ANKMY1: variants seen among roughly 807,000 people sequenced by gnomAD.
The protein encoded by ANKMY1 is ankyrin repeat and MYND domain-containing protein 1.
A neutral mutation model predicts 102.0 loss-of-function variants in ANKMY1; 98 were observed. The observed-to-expected ratio is 0.96, with a 90% CI of 0.82 to 1.14. ANKMY1 has a LOEUF of 1.14. Ranked by LOEUF, ANKMY1 falls within the 50% of genes most tolerant of loss-of-function variation. The pLI is 0.00. For missense variants in ANKMY1, 1,330 were observed against 1,347.6 expected (o/e 0.99, Z 0.20); for synonymous variants, 582 against 559.9 (o/e 1.04, Z -0.56).
chr2:240,496,894 G>A (rs1214647344), intron 15 of ANKMY1, among the ~76,000 whole-genome samples: 2 of 152,158 alleles, frequency 1.3e-5, no homozygotes, highest in African/African-American at 4.8e-5. Context: ...ACTACAGGAG[G>A]GCTCTTCCCA....
At chr2:240,553,306 T>C (rs2091854467) in intron 3 of ANKMY1, 1 of 521,508 alleles carries the variant, frequency 1.9e-6, no homozygotes, top group African/African-American at 1.9e-5. Flanking sequence ...GTGGGGAGGC[T>C]TAAAACTACC....
intron 4 of ANKMY1, among the ~76,000 whole-genome samples, chr2:240,551,265 G>A (rs2091476074): frequency 1.3e-5 from 2 of 151,996 alleles, no homozygotes; most frequent in South Asian, 4.2e-4. Flanking sequence ...GTACTGAGTA[G>A]AGTATACATT....
At chr2:240,488,590 C>G (rs2076310593) in intron 15 of ANKMY1, among the ~76,000 whole-genome samples, 1 of 152,102 alleles carries the variant, frequency 6.6e-6, no homozygotes, top group Non-Finnish European at 1.5e-5. Flanking sequence ...ATTAATTCTT[C>G]CAACCCATGA....
chr2:240,512,819 TGTC>T lies in ANKMY1; in HGVS notation c.2125_2127del (p.Asp709del). On this transcript the variant is annotated inframe_deletion, in exon 10 of 18. Coordinates refer to ENST00000401804, the MANE Select transcript of ANKMY1 (RefSeq NM_001282771.3). ...GTACACACCTTGCCGGGCTTGTAAG[TGTC>T]GTCCTCGTCGGATGCCTTGGCGTCC... The T allele has an allele frequency of 6.2e-7, 1 of 1,613,962 alleles. No individual in the cohort carries two copies. The highest frequency in any genetic ancestry group is 8.5e-7 in the Non-Finnish European group (1 of 1,179,958).
chr2:240,552,625 CATT>C (rs1165440797), intron 4 of ANKMY1: 11 of 400,864 alleles, frequency 2.7e-5, no homozygotes, highest in East Asian at 1.1e-4. Context: ...ACATTTCAAA[CATT>C]ATGTGTACAG....
chr2:240,550,709 T>C (rs2091360976), intron 4 of ANKMY1, among the ~76,000 whole-genome samples: 1 of 152,160 alleles, frequency 6.6e-6, no homozygotes, highest in African/African-American at 2.4e-5. Flanking sequence ...TTTATATACA[T>C]GTTATTAATA....
rs200948050 is a variant in ANKMY1, at chr2:240,553,023, T to C, written c.371A>G (p.His124Arg). 3 of 1,614,046 alleles carry C rather than the reference T, an allele frequency of 1.9e-6. No homozygotes were observed. Among genetic ancestry groups the C allele is most frequent in the African/African-American group, 2.7e-5 (2 of 74,998 alleles). ...TGGCCACATGTAGGTACCCAGGCCA[T>C]GGCAGTGGTCCCGGTAAAACTGCCC... ...YHGQFYRDHC[H>R]GLGTYMWPDG... is the part of the protein sequence containing the mutation. Residue 124 changes from histidine to arginine, a missense_variant, in exon 4 of 18, where the codon CAT becomes CGT. By Grantham distance (29) the His-to-Arg change is conservative. Transcript: ENST00000401804.
intron 15 of ANKMY1, among the ~76,000 whole-genome samples, chr2:240,491,339 G>C (rs12695023): frequency 0.26 from 39,839 of 151,994 alleles, 6,208 homozygotes; most frequent in East Asian, 0.67. Flanking sequence ...ATTTGTTCAT[G>C]TTCAAGGTTA....
At chr2:240,496,832 CA>C (rs1418576317) in intron 15 of ANKMY1, among the ~76,000 whole-genome samples, 1 of 152,170 alleles carries the variant, frequency 6.6e-6, no homozygotes, top group Admixed American at 6.5e-5. Context: ...AGAATTCGAT[CA>C]GAGCTCATTG....
At chr2:240,544,718 T>A (rs2089909431) in intron 4 of ANKMY1, among the ~76,000 whole-genome samples, 1 of 152,142 alleles carries the variant, frequency 6.6e-6, no homozygotes, top group South Asian at 2.1e-4. Context: ...GTCAGGGAGT[T>A]CCCTTTCCTA....
At chr2:240,471,873 G>A in the ANKMY1 span, among the ~76,000 whole-genome samples, 2 of 152,108 alleles carry the variant, frequency 1.3e-5, no homozygotes, top group Non-Finnish European at 2.9e-5. Flanking sequence ...TGGACTCAAT[G>A]GCAGCCTTGT....
upstream of ANKMY1, chr2:240,560,847 C>A (rs1047739442): frequency 3.4e-5 from 48 of 1,391,494 alleles, no homozygotes; most frequent in Non-Finnish European, 4.2e-5. Flanking sequence ...CTCCCGCCAG[C>A]AGCCCGGCCC....
chr2:240,477,025 G>C (rs1282454081), downstream of ANKMY1, among the ~76,000 whole-genome samples: 1 of 152,224 alleles, frequency 6.6e-6, no homozygotes, highest in Non-Finnish European at 1.5e-5. Context: ...CCAATGAAAA[G>C]GGACCAGTGG....
chr2:240,514,060 C>T (rs1027429318), intron 9 of ANKMY1, among the ~76,000 whole-genome samples: 4 of 152,186 alleles, frequency 2.6e-5, no homozygotes, highest in African/African-American at 9.7e-5. Context: ...AACAGTCAGC[C>T]GGAGGCCACA....
Position 240,500,039 on chromosome 2 carries a change from A to G in ANKMY1, c.2725T>C (p.Tyr909His). ...GCCTGCCGTAGCTGCAAGCCCATGT[A>G]CTCCAGGAGCCGCTTCCGCGCCAGG... ...TFLARKRLLE[Y>H]MGLQLRQAVF... Residue 909 changes from tyrosine (Y) to histidine (H), a missense_variant, in exon 15 of 18, where the codon TAC (tyrosine) becomes CAC (histidine). Transcript: ENST00000401804. 2 of 1,612,346 alleles carry G rather than the reference A, an allele frequency of 1.2e-6. No homozygotes were observed. The highest frequency in any genetic ancestry group is 1.7e-6 in the Non-Finnish European group (2 of 1,179,606).
chr2:240,474,097 T>C, the ANKMY1 span, among the ~76,000 whole-genome samples: 2 of 94,096 alleles, frequency 2.1e-5, no homozygotes, highest in Non-Finnish European at 4.2e-5. Flanking sequence ...AATAACATGA[T>C]CTTTTTTTTT....
chr2:240,520,563 T>G lies in ANKMY1; in HGVS notation c.1833-30A>C. 6.3e-7 allele frequency: 1 copy of G among 1,595,192 alleles called. No homozygotes were observed. Among genetic ancestry groups the G allele is most frequent in the Non-Finnish European group, 8.5e-7 (1 of 1,170,426 alleles). ...AAAAGACGGTGCGCCCGTGGGCCCC[T>G]GGAGGGCAGGCACCTGCACTGCGCC... is the stretch of plus-strand genomic sequence containing the variant. On this transcript the variant is annotated intron_variant, in intron 8 of 17. Transcript: ENST00000401804. This position sits in a 1 kb window ranked among gnomAD's most constrained non-coding sequence, Gnocchi z 4.8.
chr2:240,524,134 T>C lies in ANKMY1; in HGVS notation c.1583A>G (p.Lys528Arg). The C allele has an allele frequency of 1.2e-6, 2 of 1,614,044 alleles. No homozygotes were observed. Among genetic ancestry groups the C allele is most frequent in the South Asian group, 2.2e-5 (2 of 91,086 alleles). The change falls in exon 8 of 18, where the codon AAG (lysine) becomes AGG (arginine). Residue 528 changes from lysine (K) to arginine (R), a missense_variant. Coordinates refer to ENST00000401804, the MANE Select transcript of ANKMY1 (RefSeq NM_001282771.3). ...SSLKGDSPLV[K>R]GSLGHVESGL... ...GCTTTCCACATGGCCAAGGCTGCCC[T>C]TCACCAACGGGGAGTCCCCCTTCAG...
downstream of ANKMY1, among the ~76,000 whole-genome samples, chr2:240,477,718 T>C (rs537954044): frequency 2.0e-5 from 3 of 152,342 alleles, no homozygotes; most frequent in African/African-American, 7.2e-5. Context: ...GCTGTCTTCT[T>C]TCTTAAATAA....
Sources: gnomAD v4.1 joint callset for allele counts (sites outside exome capture counted in the v4.1 genomes callset) on GRCh38, gnomAD v4.1.1 for gene constraint, Gnocchi (gnomAD v3.1) non-coding constraint, MANE v1.5 for transcripts, NCBI Gene and HGNC (gene_info 2026-07-23, HGNC 2026-07-21) for gene names.